The following ZNF737 variants were observed in gnomAD, a reference collection of about 807,000 sequenced individuals.
ZNF737 encodes zinc finger protein 102 (Y3).
In ZNF737, 13 loss-of-function variants were observed where a neutral mutation model predicts 11.7. The observed-to-expected ratio is 1.11, with a 90% CI of 0.73 to 1.77. The LOEUF (loss-of-function observed/expected upper bound fraction) is 1.77, where lower values mean the gene tolerates loss of function less well. Ranked by LOEUF, ZNF737 falls within the 40% of genes most tolerant of loss-of-function variation. The probability of loss-of-function intolerance (pLI) is 0.00; values close to 1 mark genes in which losing one functional copy is unlikely to be tolerated. For synonymous variants in ZNF737, 217 were observed against 216.2 expected (o/e 1.00, Z -0.03); for missense variants, 636 against 638.0 (o/e 1.00, Z 0.03).
chr19:20,536,097 A>G (rs1967954983), downstream of ZNF737: 1 of 985,370 alleles, frequency 1.0e-6, no homozygotes. Flanking sequence ...GTGGATACAG[A>G]TGAGAGTAGC....
rs782008292 is a variant in ZNF737 at position 20,545,484 on chromosome 19, C to T, written c.719G>A (p.Arg240Gln). 2.9e-5 allele frequency: 46 copies of T among 1,612,550 alleles called. No homozygotes were observed. Among genetic ancestry groups the T allele is most frequent in the Non-Finnish European group, 3.6e-5 (42 of 1,179,616 alleles). ...CTTATGTGCAGTAAGGTATGAAAAC[C>T]GGCTAAAGGCTTTGCCACAGTCTTC... Reference protein sequence around the residue: ...KCEDCGKAFSRFSYLTAHKII... With the variant: ...KCEDCGKAFSQFSYLTAHKII... The change falls in exon 4 of 4, where the codon CGG becomes CAG. Residue 240 changes from arginine (R) to glutamine (Q), a missense_variant. Coordinates refer to ENST00000427401, the MANE Select transcript of ZNF737 (RefSeq NM_001159293.2).
chr19:20,531,718 A>C (rs1967833490), downstream of ZNF737, among the ~76,000 whole-genome samples: 1 of 149,900 alleles, frequency 6.7e-6, no homozygotes, highest in African/African-American at 2.5e-5. Context: ...TCAGCCTCTC[A>C]AAGTGCTGGG....
downstream of ZNF737, among the ~76,000 whole-genome samples, chr19:20,536,499 G>A (rs969538404): frequency 2.4e-4 from 37 of 152,220 alleles, 1 homozygote; most frequent in African/African-American, 6.7e-4. Context: ...AGGAAAGCAC[G>A]TCGTGCTATT....
In ZNF737 at chr19:20,539,429, C is replaced by T; in HGVS notation, c.*5163G>A. On this transcript the variant is annotated 3_prime_UTR_variant, in exon 4 of 4. Transcript: ENST00000427401. ...ATCATTGAGCAAAGCTTAAATCTTG[C>T]CTTTGTTTCTTGTTAGTCATCTGGC... The T allele has an allele frequency of 4.1e-6, 4 of 985,406 alleles. No homozygotes were observed. Among genetic ancestry groups the T allele is most frequent in the East Asian group, 1.1e-4 (1 of 8,810 alleles). The allele number at this position is 985,406 out of a possible 1,614,324, so 61.0% of individuals were successfully genotyped here.
chr19:20,543,157 A>G lies in ZNF737; in HGVS notation c.*1435T>C. ...TAATATTTACTGCATCTGCAAAATT[A>G]TATTTTAGCATAAACTCTCTGTTGT... On this transcript the variant is annotated 3_prime_UTR_variant, in exon 4 of 4. Transcript: ENST00000427401. 1.0e-5 allele frequency: 9 copies of G among 896,776 alleles called. No individual in the cohort carries two copies. Among genetic ancestry groups the G allele is most frequent in the Non-Finnish European group, 1.2e-5 (9 of 748,982 alleles). 55.6% of individuals were successfully genotyped at this position (896,776 alleles called of 1,614,324 possible). A position where few individuals can be genotyped will look rare whatever the true frequency, so the allele number is the denominator to read the frequency against.
chr19:20,553,781 A>C lies in ZNF737; in HGVS notation c.58T>G (p.Cys20Gly). The C allele has an allele frequency of 6.2e-7, 1 of 1,614,052 alleles. No individual in the cohort carries two copies. The highest frequency in any genetic ancestry group is 1.3e-5 in the African/African-American group (1 of 75,058). The stretch of plus-strand genomic sequence containing the variant: ...AAATTCCGCTGTGCAGTGTCCAGGC[A>C]ATGCCACTCCTCCAGAGAGAATTCT... ...AIEFSLEEWH[C>G]LDTAQRNLYR... Residue 20 changes from cysteine to glycine, a missense_variant, in exon 2 of 4, where the codon TGC (cysteine) becomes GGC (glycine). Cys to Gly is a radical substitution (Grantham distance 159, BLOSUM62 -3). Coordinates refer to ENST00000427401, the MANE Select transcript of ZNF737 (RefSeq NM_001159293.2).
intron 2 of ZNF737, among the ~76,000 whole-genome samples, chr19:20,552,829 T>C (rs1555758976): frequency 2.0e-5 from 3 of 151,958 alleles, no homozygotes; most frequent in Non-Finnish European, 4.4e-5. Flanking sequence ...CTGGCCAGCA[T>C]GGTGAAACCC....
chr19:20,546,321 A>G (rs1202745554), intron 3 of ZNF737, among the ~76,000 whole-genome samples: 4 of 152,186 alleles, frequency 2.6e-5, no homozygotes, highest in African/African-American at 9.6e-5. Context: ...AGTCGGATGC[A>G]GTCGCTCATG....
Position 20,539,465 on chromosome 19 carries a change from A to G in ZNF737, c.*5127T>C. 1 of 985,438 alleles carries G rather than the reference A, an allele frequency of 1.0e-6. No homozygotes were observed. Among genetic ancestry groups the G allele is most frequent in the Non-Finnish European group, 1.2e-6 (1 of 829,940 alleles). The allele number at this position is 985,438 out of a possible 1,614,324, so 61.0% of individuals were successfully genotyped here. On this transcript the variant is annotated 3_prime_UTR_variant, in exon 4 of 4. Coordinates refer to ENST00000427401, the MANE Select transcript of ZNF737 (RefSeq NM_001159293.2). ...TGTTAGTCATCTGGCCATTTCTGTA[A>G]GTACGGCAATTATGCGAAGCCATTG...
At chr19:20,560,172 CAAAAAAAAAAAA>C (rs71172600) in intron 1 of ZNF737, among the ~76,000 whole-genome samples, 1 of 70,736 alleles carries the variant, frequency 1.4e-5, no homozygotes, top group Non-Finnish European at 2.5e-5. Context: ...GACTCCGTCT[CAAAAAAAAAAAA>C]AAAAAAAAAA....
At position 20,540,222 on chromosome 19, in the gene ZNF737, G is replaced by A; in HGVS notation, c.*4370C>T. On this transcript the variant is annotated 3_prime_UTR_variant, in exon 4 of 4. Transcript: ENST00000427401. ...CACTTACTTTCAGGCCAGCAGGGGT[G>A]TTTTTCTGTGATGTGTCTCTTTCTC... 1 of 893,656 alleles carries A rather than the reference G, an allele frequency of 1.1e-6. No individual in the cohort carries two copies. 55.4% of individuals were successfully genotyped at this position (893,656 alleles called of 1,614,324 possible).
chr19:20,540,833 A>G lies in ZNF737; in HGVS notation c.*3759T>C. ...AGATATCAACTGGATATAATAATTA[A>G]CTACTTTTTAGTTTTATTCATTACA... On this transcript the variant is annotated 3_prime_UTR_variant, in exon 4 of 4. Coordinates refer to ENST00000427401, the MANE Select transcript of ZNF737 (RefSeq NM_001159293.2). The G allele has an allele frequency of 1.1e-6, 1 of 923,842 alleles. No individual in the cohort carries two copies. The highest frequency in any genetic ancestry group is 1.3e-6 in the Non-Finnish European group (1 of 774,208). The allele number at this position is 923,842 out of a possible 1,614,324, so 57.2% of individuals were successfully genotyped here.
At position 20,542,214 on chromosome 19, in the gene ZNF737, T is replaced by A; in HGVS notation, c.*2378A>T. 1 of 981,766 alleles carries A rather than the reference T, an allele frequency of 1.0e-6. No homozygotes were observed. The highest frequency in any genetic ancestry group is 1.2e-6 in the Non-Finnish European group (1 of 827,146). 60.8% of individuals were successfully genotyped at this position (981,766 alleles called of 1,614,324 possible). ...TGGTAAAAATAAAATAAAATTAAGT[T>A]CACAAATAATCTAACAAACTTTTTT... On this transcript the variant is annotated 3_prime_UTR_variant, in exon 4 of 4. Transcript: ENST00000427401.
At position 20,544,842 on chromosome 19, in the gene ZNF737, T is replaced by C. The variant is rs1343844145; in HGVS notation, c.1361A>G (p.Lys454Arg). Reference protein sequence around the residue: ...KRIHTGEKPYKCEECGKAFNS... With the variant: ...KRIHTGEKPYRCEECGKAFNS... ...GAAGGCTTTGCCACATTCTTCACAT[T>C]TGTAGGGTTTCTCTCCAGTATGAAT... Residue 454 changes from lysine to arginine, a missense_variant, in exon 4 of 4, where the codon AAA becomes AGA. Transcript: ENST00000427401. 1.7e-5 allele frequency: 27 copies of C among 1,613,592 alleles called. No individual in the cohort carries two copies. Among genetic ancestry groups the C allele is most frequent in the East Asian group, 2.2e-5 (1 of 44,860 alleles).
chr19:20,533,757 G>A (rs567933672), downstream of ZNF737, among the ~76,000 whole-genome samples: 1 of 149,830 alleles, frequency 6.7e-6, no homozygotes, highest in South Asian at 2.2e-4. Flanking sequence ...TACCATTTTG[G>A]GCATACCTGA....
At chr19:20,559,119 G>A (rs1240776898) in intron 1 of ZNF737, among the ~76,000 whole-genome samples, 2 of 152,116 alleles carry the variant, frequency 1.3e-5, no homozygotes, top group Non-Finnish European at 2.9e-5. Context: ...CACAGAAACT[G>A]GCAAAGAATT....
Position 20,544,175 on chromosome 19 carries a change from C to T in ZNF737, c.*417G>A. 1 of 1,010,538 alleles carries T rather than the reference C, an allele frequency of 9.9e-7. No homozygotes were observed. Among genetic ancestry groups the T allele is most frequent in the Non-Finnish European group, 1.2e-6 (1 of 845,534 alleles). 62.6% of individuals were successfully genotyped at this position (1,010,538 alleles called of 1,614,324 possible). A position where few individuals can be genotyped will look rare whatever the true frequency, so the allele number is the denominator to read the frequency against. ...TTGTTATAGGATTTGCCACATTCCT[C>T]AAACTTGTAGGATTTTTGTCCAGCA... On this transcript the variant is annotated 3_prime_UTR_variant, in exon 4 of 4. Transcript: ENST00000427401.
chr19:20,536,182 C>T, downstream of ZNF737: 1 of 740,458 alleles, frequency 1.4e-6, no homozygotes, highest in Non-Finnish European at 1.6e-6. Context: ...CATCAGTAAC[C>T]CTTCTAGTAA....
chr19:20,548,648 C>T (rs1194340285), intron 3 of ZNF737, among the ~76,000 whole-genome samples: 1 of 151,952 alleles, frequency 6.6e-6, no homozygotes, highest in Non-Finnish European at 1.5e-5. Flanking sequence ...CGGTCTCACT[C>T]TGTCACCCAA....
Sources: allele counts gnomAD v4.1 joint callset (sites outside exome capture counted in the v4.1 genomes callset), GRCh38; gene constraint gnomAD v4.1.1; transcripts MANE v1.5; gene names NCBI Gene and HGNC (gene_info 2026-07-23, HGNC 2026-07-21).